Variants in ANKRD44 observed in about 807,000 individuals in gnomAD.
ANKRD44 encodes ankyrin repeat domain 44, also known as serine/threonine-protein phosphatase 6 regulatory ankyrin repeat subunit B.
Under a neutral mutation model 116.0 loss-of-function variants are expected in ANKRD44, and 35 were observed. The observed-to-expected ratio is 0.30, with a 90% confidence interval of 0.23 to 0.40. ANKRD44 has a LOEUF of 0.40. Ranked by LOEUF, ANKRD44 falls within the 10% of genes least tolerant of loss-of-function variation. ANKRD44 has a pLI of 1.00. For synonymous variants in ANKRD44, 435 were observed against 461.8 expected (o/e 0.94, Z 0.74); for missense variants, 1,014 against 1,242.6 (o/e 0.82, Z 2.77).
At chr2:197,061,973 G>T (rs1029759471) in intron 16 of ANKRD44, among the ~76,000 whole-genome samples, 5 of 152,126 alleles carry the variant, frequency 3.3e-5, no homozygotes, top group Non-Finnish European at 5.9e-5. Flanking sequence ...TAGAGATGGG[G>T]TTTCACCATG....
Position 197,025,212 on chromosome 2 carries a change from C to T in ANKRD44, c.1706G>A (p.Ser569Asn). ...FEESDSGATK[S>N]PLHLAAYNGH... ...CTCACTTACAGCTAAGTGGAGTGGA[C>T]TCTTAGTAGCACCAGAATCTGATTC... is the stretch of plus-strand genomic sequence containing the variant. Residue 569 changes from serine to asparagine, a missense_variant, in exon 17 of 28, where the codon AGT (serine) becomes AAT (asparagine). Coordinates refer to ENST00000282272, the MANE Select transcript of ANKRD44 (RefSeq NM_001195144.2). 1 of 1,612,482 alleles carries T rather than the reference C, an allele frequency of 6.2e-7. No homozygotes were observed. Among genetic ancestry groups the T allele is most frequent in the Non-Finnish European group, 8.5e-7 (1 of 1,178,702 alleles).
At chr2:197,004,038 A>C (rs1420462056) in intron 21 of ANKRD44, among the ~76,000 whole-genome samples, 1 of 152,226 alleles carries the variant, frequency 6.6e-6, no homozygotes, top group East Asian at 1.9e-4. Context: ...TTTCTAAATT[A>C]AAATTTTAAT....
intron 1 of ANKRD44, among the ~76,000 whole-genome samples, chr2:197,283,392 G>A (rs1350762767): frequency 1.3e-5 from 2 of 152,146 alleles, no homozygotes; most frequent in African/African-American, 2.4e-5. Flanking sequence ...TCTCGGCAGA[G>A]CCCCTGGATA....
At position 197,209,670 on chromosome 2, in the gene ANKRD44, CA is replaced by C. The variant is rs149838304; in HGVS notation, c.28-22565del. The stretch of plus-strand genomic sequence containing the variant: ...GTCATCAGTTAACTTTTAATTTCAT[CA>C]AGAATTAAACATTGGTTGATTGGTC... On this transcript the variant is annotated intron_variant, in intron 1 of 27. Transcript: ENST00000282272. 1.1e-3 allele frequency among the ~76,000 whole-genome samples: 160 copies of C among 152,294 alleles called. 1 individual carries two copies. The highest frequency in any genetic ancestry group is 3.8e-3 in the African/African-American group (156 of 41,570).
At chr2:197,044,666 G>C (rs879878174) in intron 16 of ANKRD44, among the ~76,000 whole-genome samples, 4 of 152,054 alleles carry the variant, frequency 2.6e-5, no homozygotes, top group Non-Finnish European at 5.9e-5. Flanking sequence ...GACTATGATG[G>C]TCAGTTTTTA....
intron 9 of ANKRD44, among the ~76,000 whole-genome samples, chr2:197,100,562 T>A (rs570863824): frequency 6.6e-6 from 1 of 152,346 alleles, no homozygotes; most frequent in African/African-American, 2.4e-5. Context: ...TCAAATCCCA[T>A]AAAGTGTAAT....
At chr2:197,250,273 A>G (rs577039683) in intron 1 of ANKRD44, among the ~76,000 whole-genome samples, 1 of 152,306 alleles carries the variant, frequency 6.6e-6, no homozygotes, top group South Asian at 2.1e-4. Context: ...GGATGTCCAA[A>G]GCAGGAAAGC....
At position 196,998,432 on chromosome 2, in the gene ANKRD44, C is replaced by G. The variant is rs190670150; in HGVS notation, c.2666-13G>C. ...TTCACCAAAATATCTGTAGAAAAAG[C>G]CCAAAAGAGGGTTACTTAGATGAGA... On this transcript the variant is annotated splice_polypyrimidine_tract_variant and intron_variant, in intron 24 of 27. Transcript: ENST00000282272. The G allele has an allele frequency of 3.1e-6, 5 of 1,608,728 alleles. No individual in the cohort carries two copies. Among genetic ancestry groups the G allele is most frequent in the East Asian group, 2.2e-5 (1 of 44,766 alleles).
At chr2:197,278,628 G>A (rs978936856) in intron 1 of ANKRD44, among the ~76,000 whole-genome samples, 9 of 152,138 alleles carry the variant, frequency 5.9e-5, no homozygotes, top group South Asian at 2.1e-4. Flanking sequence ...GGGCCACTGC[G>A]CCCATCCACA....
chr2:197,112,440 T>A (rs919358835), intron 8 of ANKRD44, among the ~76,000 whole-genome samples: 1 of 152,180 alleles, frequency 6.6e-6, no homozygotes, highest in Non-Finnish European at 1.5e-5. Context: ...CCAGGCGCAG[T>A]GGCTCACGCC....
intron 3 of ANKRD44, among the ~76,000 whole-genome samples, chr2:197,146,518 T>C (rs1225423451): frequency 6.6e-6 from 1 of 152,040 alleles, no homozygotes; most frequent in African/African-American, 2.4e-5. Context: ...TAATAGCATA[T>C]ATAGTGTATA....
chr2:196,999,103 G>A (rs755121102), intron 23 of ANKRD44, 51 bp from the exon 24 acceptor site: 23 of 1,589,932 alleles, frequency 1.4e-5, no homozygotes, highest in East Asian at 4.5e-5. Context: ...CTTTATTCTC[G>A]CTAGTTACTG....
chr2:196,974,969 C>G (rs1376468314), intron 21 of ANKRD44, among the ~76,000 whole-genome samples: 1 of 150,966 alleles, frequency 6.6e-6, no homozygotes, highest in Non-Finnish European at 1.5e-5. Flanking sequence ...AGATTAATTA[C>G]AAATAACAAA....
intron 2 of ANKRD44, among the ~76,000 whole-genome samples, chr2:197,155,385 C>T (rs539325696): frequency 6.6e-5 from 10 of 152,106 alleles, no homozygotes; most frequent in Non-Finnish European, 2.9e-5. Flanking sequence ...TTGGTAAATA[C>T]AATGAAAGTT....
intron 25 of ANKRD44, 73 bp from the exon 26 acceptor site, chr2:196,995,534 T>C (rs1207659571): frequency 1.3e-5 from 14 of 1,112,872 alleles, no homozygotes; most frequent in Non-Finnish European, 1.8e-5. Flanking sequence ...TTCTTCATTA[T>C]GATTTAAATT....
chr2:197,291,604 A>G (rs2083571057), intron 1 of ANKRD44, among the ~76,000 whole-genome samples: 1 of 152,216 alleles, frequency 6.6e-6, no homozygotes, highest in South Asian at 2.1e-4. Flanking sequence ...AGAAAGTGGA[A>G]TAGAAGTATA....
chr2:197,067,008 G>T (rs1323543057), intron 16 of ANKRD44, among the ~76,000 whole-genome samples: 1 of 152,170 alleles, frequency 6.6e-6, no homozygotes, highest in African/African-American at 2.4e-5. Context: ...AAAGCTGGAG[G>T]CATCATGCTA....
chr2:197,256,260 C>T (rs2082444126), intron 1 of ANKRD44, among the ~76,000 whole-genome samples: 1 of 152,200 alleles, frequency 6.6e-6, no homozygotes, highest in African/African-American at 2.4e-5. Flanking sequence ...ATTTCTAAAT[C>T]ACTAGGTGTC....
Position 196,989,124 on chromosome 2 carries a change from G to A in ANKRD44, c.*467C>T. ...GCTTTTGGCTAGCCCAGGGTCAAGT[G>A]TTTTTTTTTTCACTTTTTTTTTGTT... On this transcript the variant is annotated 3_prime_UTR_variant, in exon 28 of 28. Coordinates refer to ENST00000282272, the MANE Select transcript of ANKRD44 (RefSeq NM_001195144.2). 1 of 902,252 alleles carries A rather than the reference G, an allele frequency of 1.1e-6. No homozygotes were observed. Among genetic ancestry groups the A allele is most frequent in the Non-Finnish European group, 1.3e-6 (1 of 757,580 alleles). 55.9% of individuals were successfully genotyped at this position (902,252 alleles called of 1,614,324 possible).
Sources: gnomAD v4.1 joint callset for allele counts (sites outside exome capture counted in the v4.1 genomes callset) on GRCh38, gnomAD v4.1.1 for gene constraint, MANE v1.5 for transcripts, NCBI Gene and HGNC (gene_info 2026-07-23, HGNC 2026-07-21) for gene names.